GPHN: variants seen among roughly 807,000 people sequenced by gnomAD.
GPHN encodes gephyrin.
In GPHN, 17 loss-of-function variants were observed where a neutral mutation model predicts 95.5. The observed-to-expected ratio is 0.18, with a 90% CI of 0.12 to 0.27. The LOEUF (loss-of-function observed/expected upper bound fraction) is 0.27. Among genes scored for constraint, GPHN ranks in the 10% least tolerant of loss-of-function variants. The pLI, the probability that GPHN is intolerant of heterozygous loss-of-function variation, is 1.00. For synonymous variants in GPHN, 320 were observed against 322.5 expected, an observed-to-expected ratio of 0.99 and a Z score of 0.08; for missense variants, 660 against 978.1, an observed-to-expected ratio of 0.67 and a Z score of 4.34.
At chr14:67,513,356 T>C in the GPHN span, among the ~76,000 whole-genome samples, 1 of 152,208 alleles carries the variant, frequency 6.6e-6, no homozygotes, top group African/African-American at 2.4e-5. Flanking sequence ...GCTTCTCTGG[T>C]GCAGTACCTG....
intron 1 of GPHN, among the ~76,000 whole-genome samples, chr14:66,528,053 A>G (rs1254113103): frequency 3.9e-5 from 6 of 152,072 alleles, no homozygotes; most frequent in African/African-American, 1.4e-4. Flanking sequence ...TCTGTCTAAT[A>G]TTGACAGTGG....
At chr14:66,941,099 C>A (rs2067403143) in intron 8 of GPHN, among the ~76,000 whole-genome samples, 3 of 151,436 alleles carry the variant, frequency 2.0e-5, no homozygotes, top group Admixed American at 6.5e-5. Flanking sequence ...ATCACCTGTC[C>A]CTTTTGTTCT....
At chr14:67,709,906 C>A in the GPHN span, among the ~76,000 whole-genome samples, 1 of 152,192 alleles carries the variant, frequency 6.6e-6, no homozygotes, top group Non-Finnish European at 1.5e-5. Context: ...TTAGGGCAAA[C>A]CTGCCTTCCA....
In GPHN at chr14:67,023,695, T is replaced by C; in HGVS notation, c.1006+20T>C. 4 of 1,602,094 alleles carry C rather than the reference T, an allele frequency of 2.5e-6. No homozygotes were observed. The highest frequency in any genetic ancestry group is 3.4e-6 in the Non-Finnish European group (4 of 1,169,084). The stretch of plus-strand genomic sequence containing the variant: ...GAGCCAGTAAGTATTTTACCATTTC[T>C]GGTGGGCTGCTGAACTAGAGCTTAT... On this transcript the variant is annotated intron_variant, in intron 10 of 22. Transcript: ENST00000478722.
At chr14:66,955,211 A>G (rs2068404246) in intron 8 of GPHN, among the ~76,000 whole-genome samples, 1 of 152,176 alleles carries the variant, frequency 6.6e-6, no homozygotes, top group Non-Finnish European at 1.5e-5. Context: ...ATTTAATAGA[A>G]TTCCCTAGTG....
the GPHN span, chr14:67,352,793 A>T: frequency 2.3e-5 from 15 of 641,396 alleles, no homozygotes; most frequent in Non-Finnish European, 3.7e-5. Context: ...GACACTTGTT[A>T]AACTTATAAT....
At chr14:66,806,312 C>T (rs1181796546) in intron 3 of GPHN, among the ~76,000 whole-genome samples, 1 of 152,150 alleles carries the variant, frequency 6.6e-6, no homozygotes, top group South Asian at 2.1e-4. Flanking sequence ...GTCCTCCAGA[C>T]CTGTGATGGG....
intron 9 of GPHN, among the ~76,000 whole-genome samples, chr14:66,977,390 C>T (rs748858420): frequency 1.4e-4 from 21 of 151,524 alleles, no homozygotes; most frequent in Non-Finnish European, 2.2e-4. Context: ...AAGATCGCGC[C>T]ATTGCACTCC....
At chr14:67,107,665 C>T (rs1007898868) in intron 13 of GPHN, among the ~76,000 whole-genome samples, 2 of 152,104 alleles carry the variant, frequency 1.3e-5, no homozygotes, top group Non-Finnish European at 2.9e-5. Context: ...GGTGGGGCTA[C>T]GCAGGTCCTC....
the GPHN span, chr14:67,320,366 A>T: frequency 1.2e-6 from 2 of 1,609,862 alleles, no homozygotes; most frequent in Non-Finnish European, 1.7e-6. Flanking sequence ...TCATGAACAA[A>T]GAAAAGGACC....
chr14:66,610,666 A>G (rs1339560639), intron 1 of GPHN, among the ~76,000 whole-genome samples: 3 of 152,148 alleles, frequency 2.0e-5, no homozygotes, highest in African/African-American at 7.2e-5. Context: ...AAAGTACATT[A>G]AGGAAGACTT....
the GPHN span, chr14:67,303,385 T>C: frequency 1.5e-6 from 1 of 645,996 alleles, no homozygotes; most frequent in African/African-American, 1.8e-5. Flanking sequence ...ATTGCTTTGG[T>C]AGAGCAAAGT....
At chr14:66,572,543 G>GT (rs966507312) in intron 1 of GPHN, among the ~76,000 whole-genome samples, 2 of 151,244 alleles carry the variant, frequency 1.3e-5, no homozygotes, top group Non-Finnish European at 3.0e-5. Context: ...AAATGGTATT[G>GT]TTTTTTGATT....
chr14:66,692,468 TATCTGTAGATTCTCTA>T (rs1244400458), intron 2 of GPHN, among the ~76,000 whole-genome samples: 1 of 152,192 alleles, frequency 6.6e-6, no homozygotes. Context: ...GCAGATACAC[TATCTGTAGATTCTCTA>T]GTAGTAGGCC....
the GPHN span, among the ~76,000 whole-genome samples, chr14:67,388,888 A>G: frequency 6.6e-6 from 1 of 152,068 alleles, no homozygotes; most frequent in Admixed American, 6.6e-5. Context: ...CACCTTGGCC[A>G]GGCTGGTCTC....
intron 21 of GPHN, among the ~76,000 whole-genome samples, chr14:67,176,298 T>C (rs1337310942): frequency 2.6e-5 from 4 of 152,096 alleles, no homozygotes; most frequent in Admixed American, 2.6e-4. Context: ...GGCTGTTGAG[T>C]TTTGTCGAAG....
the GPHN span, among the ~76,000 whole-genome samples, chr14:67,568,158 C>T: frequency 6.6e-6 from 1 of 152,076 alleles, no homozygotes. Flanking sequence ...ATGTTCATCA[C>T]AGCACTACTC....
chr14:67,279,583 A>T, the GPHN span: 1 of 1,481,422 alleles, frequency 6.8e-7, no homozygotes, highest in African/African-American at 1.4e-5. Context: ...GCTTTAATTT[A>T]TCTGTGCCTT....
chr14:67,475,600 G>T, the GPHN span, among the ~76,000 whole-genome samples: 1 of 152,144 alleles, frequency 6.6e-6, no homozygotes, highest in African/African-American at 2.4e-5. Context: ...ATGGGTGTGA[G>T]GTGGTTCTCT....
Sources: allele counts gnomAD v4.1 joint callset (sites outside exome capture counted in the v4.1 genomes callset), GRCh38; gene constraint gnomAD v4.1.1; transcripts MANE v1.5; gene names NCBI Gene and HGNC (gene_info 2026-07-23, HGNC 2026-07-21).